Variants in KLHL7 observed in about 807,000 individuals in gnomAD.
KLHL7 encodes kelch-like protein 7.
Under a neutral mutation model 67.4 loss-of-function variants are expected in KLHL7, and 44 were observed. That is an observed-to-expected ratio of 0.65 (90% CI 0.51 to 0.84). The LOEUF is 0.84. Among genes scored for constraint, KLHL7 ranks in the 40% least tolerant of loss-of-function variants. The pLI is 0.00. For missense variants in KLHL7, 362 were observed against 718.1 expected (o/e 0.50, Z 5.67); for synonymous variants, 252 against 243.3 (o/e 1.04, Z -0.33).
At chr7:23,125,249 G>A in intron 4 of KLHL7, 77 bp downstream of exon 4, 1 of 1,450,978 alleles carries the variant, frequency 6.9e-7, no homozygotes, top group Non-Finnish European at 9.6e-7. Flanking sequence ...TAAAAAGGCT[G>A]ATTTTAAGTA....
In KLHL7 at chr7:23,116,703, G is replaced by A. The variant is rs540781919; in HGVS notation, c.121-7074G>A. ...AGAATTAGCTCAGCTACTGCCAGCC[G>A]TCACTACTCTCAGAAAGGTAATTCT... On this transcript the variant is annotated intron_variant, in intron 1 of 10. Coordinates refer to ENST00000339077, the MANE Select transcript of KLHL7 (RefSeq NM_001031710.3). Among the ~76,000 whole-genome samples, 8 of 152,266 alleles carry A rather than the reference G, an allele frequency of 5.3e-5. No individual in the cohort carries two copies. The South Asian group carries it at 8.3e-4, about 16-fold the overall frequency.
intron 4 of KLHL7, chr7:23,125,990 T>G (rs968137561): frequency 7.9e-6 from 6 of 764,060 alleles, no homozygotes; most frequent in Non-Finnish European, 1.4e-5. Flanking sequence ...AAGTTTAATT[T>G]CTAAATTAGA....
At chr7:23,153,386 C>G (rs906397014) in intron 7 of KLHL7, among the ~76,000 whole-genome samples, 5 of 152,290 alleles carry the variant, frequency 3.3e-5, no homozygotes, top group East Asian at 3.9e-4. Context: ...TGAAGGGCTA[C>G]TGGATAAGCA....
At chr7:23,156,549 G>T (rs1306204523) in intron 7 of KLHL7, among the ~76,000 whole-genome samples, 1 of 152,192 alleles carries the variant, frequency 6.6e-6, no homozygotes, top group Non-Finnish European at 1.5e-5. Flanking sequence ...CCAGTGAAAT[G>T]GTGAGCTGGG....
At chr7:23,146,098 C>T (rs1488348225) in intron 6 of KLHL7, among the ~76,000 whole-genome samples, 1 of 152,182 alleles carries the variant, frequency 6.6e-6, no homozygotes, top group African/African-American at 2.4e-5. Context: ...ATTTCTCTTT[C>T]AGTATTTCCA....
intron 1 of KLHL7, among the ~76,000 whole-genome samples, chr7:23,111,425 A>G (rs1019499776): frequency 1.3e-5 from 2 of 152,242 alleles, no homozygotes; most frequent in Non-Finnish European, 2.9e-5. Context: ...GCATAGCTTC[A>G]TAAGTCAAGT....
At chr7:23,132,981 A>G (rs954156738) in intron 4 of KLHL7, among the ~76,000 whole-genome samples, 4 of 152,064 alleles carry the variant, frequency 2.6e-5, no homozygotes, top group South Asian at 4.1e-4. Context: ...TGGGTCCTCT[A>G]TTCTGTTCCA....
At chr7:23,165,456 T>C (rs1346644637) in intron 7 of KLHL7, among the ~76,000 whole-genome samples, 2 of 152,188 alleles carry the variant, frequency 1.3e-5, no homozygotes, top group African/African-American at 4.8e-5. Context: ...TATTTAAGTT[T>C]ATTTTAGAGC....
chr7:23,112,942 A>G (rs907459120), intron 1 of KLHL7, among the ~76,000 whole-genome samples: 32 of 152,164 alleles, frequency 2.1e-4, no homozygotes, highest in Admixed American at 4.6e-4. Flanking sequence ...GGTTGGATAT[A>G]TATGAGACAG....
intron 6 of KLHL7, among the ~76,000 whole-genome samples, chr7:23,146,128 A>G (rs898033438): frequency 5.3e-5 from 8 of 152,198 alleles, no homozygotes; most frequent in African/African-American, 1.7e-4. Flanking sequence ...CCTGTCTCCT[A>G]CAGTGGTACA....
intron 8 of KLHL7, 66 bp downstream of exon 8, chr7:23,166,004 A>C (rs896139927): frequency 1.3e-6 from 2 of 1,541,232 alleles, no homozygotes; most frequent in Admixed American, 1.7e-5. Flanking sequence ...TGGCTTTCAT[A>C]TTTAAATAAA....
intron 4 of KLHL7, among the ~76,000 whole-genome samples, chr7:23,128,691 A>G (rs1783678660): frequency 6.6e-6 from 1 of 151,610 alleles, no homozygotes; most frequent in Non-Finnish European, 1.5e-5. Context: ...AAAAAAAGTG[A>G]CCCTACAGCT....
chr7:23,128,660 T>C (rs938647585), intron 4 of KLHL7, among the ~76,000 whole-genome samples: 1 of 152,030 alleles, frequency 6.6e-6, no homozygotes, highest in Non-Finnish European at 1.5e-5. Flanking sequence ...GTAAGTTTTA[T>C]GTGTATTTTA....
chr7:23,120,043 A>G (rs1277369588), intron 1 of KLHL7, among the ~76,000 whole-genome samples: 1 of 151,284 alleles, frequency 6.6e-6, no homozygotes, highest in Non-Finnish European at 1.5e-5. Context: ...TTTGAGTCTC[A>G]CTCTCACCCA....
chr7:23,120,711 C>G (rs1043079262), intron 1 of KLHL7, among the ~76,000 whole-genome samples: 34 of 152,106 alleles, frequency 2.2e-4, no homozygotes, highest in Non-Finnish European at 3.7e-4. Context: ...GGACTACAGG[C>G]ATGTGCCATC....
chr7:23,175,714 A>C lies in KLHL7; in HGVS notation c.*1416A>C, dbSNP rs2128470860. On this transcript the variant is annotated 3_prime_UTR_variant, in exon 11 of 11. Transcript: ENST00000339077. ...AGTGGCTCACGCCTGTAATCCCAGC[A>C]CTTTGGGAGGCCAAGGTGGGTAGAT... The C allele has an allele frequency of 5.0e-6, 1 of 199,196 alleles. No homozygotes were observed. Among genetic ancestry groups the C allele is most frequent in the Middle Eastern group, 2.4e-3 (1 of 420 alleles). 12.3% of individuals were successfully genotyped at this position (199,196 alleles called of 1,614,324 possible).
intron 8 of KLHL7, among the ~76,000 whole-genome samples, chr7:23,166,763 A>G (rs919609423): frequency 1.5e-4 from 23 of 152,188 alleles, no homozygotes; most frequent in African/African-American, 5.5e-4. Context: ...TTCAAATACA[A>G]TAAATCCTAA....
At chr7:23,125,501 G>A (rs1012277793) in intron 4 of KLHL7, among the ~76,000 whole-genome samples, 2 of 152,152 alleles carry the variant, frequency 1.3e-5, no homozygotes, top group Admixed American at 1.3e-4. Flanking sequence ...AAGCACTTAT[G>A]ATATGCTAAG....
rs1372433768 is a variant in KLHL7, at chr7:23,174,370, T to G, written c.*72T>G. On this transcript the variant is annotated 3_prime_UTR_variant, in exon 11 of 11. Transcript: ENST00000339077. ...CCAGTGCTTTGTTCCAGGAGTTTGG[T>G]GACAAAGTTTTGGTTTGGTGTTTTG... 6.5e-7 allele frequency: 1 copy of G among 1,549,068 alleles called. No individual in the cohort carries two copies.
Sources: allele counts gnomAD v4.1 joint callset (sites outside exome capture counted in the v4.1 genomes callset), GRCh38; gene constraint gnomAD v4.1.1; transcripts MANE v1.5; gene names NCBI Gene and HGNC (gene_info 2026-07-23, HGNC 2026-07-21).